The following LIN9 variants were observed in gnomAD, a reference collection of about 807,000 sequenced individuals.
LIN9 encodes the protein protein lin-9 homolog.
A neutral mutation model predicts 78.0 loss-of-function variants in LIN9; 18 were observed. The ratio of observed to expected loss-of-function variants is 0.23; its 90% CI spans 0.16 to 0.34. The LOEUF (loss-of-function observed/expected upper bound fraction) is 0.34. Ranked by LOEUF, LIN9 falls within the 10% of genes least tolerant of loss-of-function variation. LIN9 has a pLI of 1.00. For synonymous variants in LIN9, 192 were observed against 215.2 expected (o/e 0.89, Z 0.94); for missense variants, 451 against 644.1 (o/e 0.70, Z 3.25).
intron 10 of LIN9, among the ~76,000 whole-genome samples, chr1:226,262,928 T>G (rs939792456): frequency 1.3e-5 from 2 of 152,100 alleles, no homozygotes; most frequent in African/African-American, 4.8e-5. Flanking sequence ...CTGTGGTACA[T>G]CCCGACAATG....
chr1:226,251,035 CATATAT>C lies in LIN9; in HGVS notation c.1039-122_1039-117del, dbSNP rs930245303. On this transcript the variant is annotated intron_variant, in intron 10 of 14. Coordinates refer to ENST00000681046, the MANE Select transcript of LIN9 (RefSeq NM_001366245.2). ...TCAGCAATAGATTTTAGTGTTTCAA[CATATAT>C]ATATAGCATAGCATTGTTTTGGTTT... 1.4e-5 allele frequency: 8 copies of C among 573,528 alleles called. No homozygotes were observed. In the African/African-American group the frequency reaches 1.5e-4, roughly 11 times the overall value. The allele number at this position is 573,528 out of a possible 1,614,324, so 35.5% of individuals were successfully genotyped here.
chr1:226,263,600 A>G (rs1042438267), intron 10 of LIN9, among the ~76,000 whole-genome samples: 7 of 152,194 alleles, frequency 4.6e-5, no homozygotes, highest in Non-Finnish European at 8.8e-5. Context: ...CTGTTCAAAT[A>G]TAACATATTA....
intron 8 of LIN9, among the ~76,000 whole-genome samples, chr1:226,266,842 C>T (rs1002622392): frequency 5.9e-5 from 9 of 151,264 alleles, no homozygotes; most frequent in Non-Finnish European, 8.8e-5. Context: ...TGCAATGGCG[C>T]GATCTCGGAT....
chr1:226,302,405 TG>T (rs1662603989), intron 1 of LIN9, among the ~76,000 whole-genome samples: 1 of 152,038 alleles, frequency 6.6e-6, no homozygotes, highest in Non-Finnish European at 1.5e-5. Flanking sequence ...TAACTGGGTG[TG>T]GTGGCGAGCA....
chr1:226,236,833 C>T (rs1299999013), intron 12 of LIN9, among the ~76,000 whole-genome samples: 1 of 152,162 alleles, frequency 6.6e-6, no homozygotes, highest in African/African-American at 2.4e-5. Context: ...TTCATTCATT[C>T]TCATTGCTGG....
At chr1:226,260,382 A>G (rs1192493051) in intron 10 of LIN9, among the ~76,000 whole-genome samples, 1 of 152,162 alleles carries the variant, frequency 6.6e-6, no homozygotes, top group African/African-American at 2.4e-5. Flanking sequence ...ACAGTGAAAG[A>G]AAACTATAAG....
At chr1:226,282,776 G>A (rs917166153) in intron 6 of LIN9, among the ~76,000 whole-genome samples, 1 of 152,108 alleles carries the variant, frequency 6.6e-6, no homozygotes, top group Non-Finnish European at 1.5e-5. Context: ...AGCCAAGATC[G>A]TGCCACTGCA....
intron 7 of LIN9, among the ~76,000 whole-genome samples, chr1:226,274,660 AT>A (rs1004650126): frequency 7.4e-4 from 101 of 135,960 alleles, no homozygotes; most frequent in East Asian, 1.5e-3. Flanking sequence ...CTGAGGGTCT[AT>A]TTTTTTTTTT....
chr1:226,258,933 A>T (rs938535112), intron 10 of LIN9, among the ~76,000 whole-genome samples: 9 of 147,716 alleles, frequency 6.1e-5, no homozygotes, highest in African/African-American at 2.0e-4. Context: ...AAGGCATTAC[A>T]TAATGAGAAA....
intron 8 of LIN9, among the ~76,000 whole-genome samples, chr1:226,266,594 G>T (rs1488023264): frequency 6.7e-6 from 1 of 150,160 alleles, no homozygotes; most frequent in East Asian, 1.9e-4. Flanking sequence ...AAAAAAAAAG[G>T]GGGGGGGTCA....
chr1:226,242,641 C>T (rs1658190561), intron 11 of LIN9, among the ~76,000 whole-genome samples: 1 of 152,144 alleles, frequency 6.6e-6, no homozygotes, highest in Admixed American at 6.6e-5. Context: ...TATATGCAGA[C>T]TTTTTTTAAA....
intron 10 of LIN9, among the ~76,000 whole-genome samples, chr1:226,255,778 G>C (rs1349994100): frequency 6.6e-6 from 1 of 151,620 alleles, no homozygotes; most frequent in African/African-American, 2.4e-5. Context: ...TCTCAGAAGA[G>C]GATATATTAA....
At chr1:226,242,328 T>G (rs538055493) in intron 11 of LIN9, among the ~76,000 whole-genome samples, 2 of 152,224 alleles carry the variant, frequency 1.3e-5, no homozygotes, top group Non-Finnish European at 2.9e-5. Flanking sequence ...ATTTTGTATA[T>G]AGTAAAGCTG....
chr1:226,285,083 G>A (rs1661309677), intron 6 of LIN9, among the ~76,000 whole-genome samples: 1 of 152,122 alleles, frequency 6.6e-6, no homozygotes, highest in South Asian at 2.1e-4. Context: ...AGGACTATAA[G>A]ATTAAATAAT....
At chr1:226,234,898 T>TTTTTC (rs1383037151) in intron 12 of LIN9, among the ~76,000 whole-genome samples, 1 of 150,244 alleles carries the variant, frequency 6.7e-6, no homozygotes, top group Admixed American at 6.7e-5. Context: ...CCTAAATTTT[T>TTTTTC]TTTTTTTTTT....
At chr1:226,258,196 A>G (rs1659327256) in intron 10 of LIN9, among the ~76,000 whole-genome samples, 1 of 151,308 alleles carries the variant, frequency 6.6e-6, no homozygotes. Context: ...ACAAACAAAC[A>G]AACAAACAAA....
rs111488531 is a variant in LIN9 at position 226,287,405 on chromosome 1, T to C, written c.398+259A>G. 4.2e-3 allele frequency among the ~76,000 whole-genome samples: 644 copies of C among 152,298 alleles called. 6 individuals are homozygous for C. Among genetic ancestry groups the C allele is most frequent in the African/African-American group, 0.014 (590 of 41,572 alleles). On this transcript the variant is annotated intron_variant, in intron 5 of 14. Transcript: ENST00000681046. ...GGTGTTTTAAGGTATCTCTACTCCA[T>C]AGTCTTTAAGAATTCTAACACAGAA...
chr1:226,266,431 T>C (rs1659910399), intron 8 of LIN9, 99 bp from the exon 9 acceptor site: 1 of 890,248 alleles, frequency 1.1e-6, no homozygotes, highest in Non-Finnish European at 1.6e-6. Context: ...TTCACGCATA[T>C]TCTATGATTC....
chr1:226,294,262 C>A (rs1488804766), intron 4 of LIN9, among the ~76,000 whole-genome samples: 1 of 129,550 alleles, frequency 7.7e-6, no homozygotes, highest in Non-Finnish European at 1.6e-5. Flanking sequence ...GAGCCAAGAT[C>A]GTGCCAATGC....
Sources: gnomAD v4.1 joint callset for allele counts (sites outside exome capture counted in the v4.1 genomes callset) on GRCh38, gnomAD v4.1.1 for gene constraint, MANE v1.5 for transcripts, NCBI Gene and HGNC (gene_info 2026-07-23, HGNC 2026-07-21) for gene names.